The following DIO1 variants were observed in gnomAD, a reference collection of about 807,000 sequenced individuals.
DIO1 encodes type I iodothyronine deiodinase.
DIO1 carries 17 observed loss-of-function variants against 25.9 expected under a neutral mutation model. The observed-to-expected ratio is 0.66, with a 90% CI of 0.45 to 0.98. The LOEUF (loss-of-function observed/expected upper bound fraction) is 0.98, where lower values mean the gene tolerates loss of function less well. Ranked by LOEUF, DIO1 falls within the 50% of genes least tolerant of loss-of-function variation. The pLI, the probability that DIO1 is intolerant of heterozygous loss-of-function variation, is 0.00. For synonymous variants in DIO1, 115 were observed against 114.0 expected (o/e 1.01, Z -0.05); for missense variants, 270 against 310.4 (o/e 0.87, Z 0.98).
chr1:53,902,846 CTGT>C (rs1358752850), intron 1 of DIO1, among the ~76,000 whole-genome samples: 2 of 151,836 alleles, frequency 1.3e-5, no homozygotes, highest in African/African-American at 2.4e-5. Context: ...ATTTTTGTTG[CTGT>C]TGTTGTTTTT....
chr1:53,900,511 G>A (rs1486252981), intron 1 of DIO1, among the ~76,000 whole-genome samples: 1 of 152,218 alleles, frequency 6.6e-6, no homozygotes, highest in Non-Finnish European at 1.5e-5. Context: ...GGCTGAGGCA[G>A]GAGAATTCCT....
At chr1:53,902,296 C>G (rs1651408471) in intron 1 of DIO1, among the ~76,000 whole-genome samples, 1 of 151,862 alleles carries the variant, frequency 6.6e-6, no homozygotes, top group Non-Finnish European at 1.5e-5. Context: ...TCTCGTAACA[C>G]TGATCACAAT....
rs746714497 is a variant in DIO1, at chr1:53,894,378, C to T, written c.168C>T (p.Phe56=). 1 of 1,614,250 alleles carries T rather than the reference C, an allele frequency of 6.2e-7. No individual in the cohort carries two copies. The highest frequency in any genetic ancestry group is 1.1e-5 in the South Asian group (1 of 91,090). ...CGGGTATGACCAGGAACCCCCATTT[C>T]AGCCACGACAACTGGATACCAACCT... ...EKTGMTRNPH[F]SHDNWIPTFF... The change falls in exon 1 of 4, where the codon TTC becomes TTT. Residue 56 remains phenylalanine, a synonymous_variant. Coordinates refer to ENST00000361921, the MANE Select transcript of DIO1 (RefSeq NM_000792.7). This position sits in a 1 kb window ranked among gnomAD's most constrained non-coding sequence, Gnocchi z 4.9.
chr1:53,894,577 G>A lies in DIO1; in HGVS notation c.337+30G>A, dbSNP rs1650977766. ...GGAGGCTGCCACACACTTGAGGGGT[G>A]CTTGAAATAGCAGTGGTAGAGGGGG... is the stretch of plus-strand genomic sequence containing the variant. On this transcript the variant is annotated intron_variant, in intron 1 of 3. Coordinates refer to ENST00000361921, the MANE Select transcript of DIO1 (RefSeq NM_000792.7). This position sits in a 1 kb window ranked among gnomAD's most constrained non-coding sequence, Gnocchi z 4.9. The A allele has an allele frequency of 6.3e-7, 1 of 1,575,312 alleles. No homozygotes were observed. Among genetic ancestry groups the A allele is most frequent in the Non-Finnish European group, 8.6e-7 (1 of 1,156,794 alleles).
intron 3 of DIO1, 138 bp downstream of exon 3, chr1:53,906,432 G>A: frequency 1.4e-6 from 1 of 725,466 alleles, no homozygotes; most frequent in Non-Finnish European, 2.3e-6. Context: ...CCATGGGCGA[G>A]TGCTTTCACT....
At chr1:53,909,249 CTA>C (rs935670805) in intron 3 of DIO1, among the ~76,000 whole-genome samples, 108 of 150,628 alleles carry the variant, frequency 7.2e-4, no homozygotes, top group African/African-American at 2.6e-3. Flanking sequence ...AACCCTGTCT[CTA>C]CTAAAAATAC....
At chr1:53,896,430 C>T (rs916462913) in intron 1 of DIO1, among the ~76,000 whole-genome samples, 4 of 152,050 alleles carry the variant, frequency 2.6e-5, no homozygotes, top group African/African-American at 9.7e-5. Context: ...GTTGCCCAGG[C>T]TGGTCTCGAA....
At chr1:53,904,510 G>A (rs1651538352) in intron 1 of DIO1, among the ~76,000 whole-genome samples, 156 bp from the exon 2 acceptor site, 1 of 152,172 alleles carries the variant, frequency 6.6e-6, no homozygotes, top group African/African-American at 2.4e-5. Flanking sequence ...GCTAAGTCAT[G>A]CTCTCTAGGT....
In DIO1 at chr1:53,911,065, A is replaced by G. The variant is rs1041032953; in HGVS notation, c.*1066A>G. Reference sequence around the variant, plus strand: ...TAAGATGCAGTAAACTAATAACAGAATTATTAAAATATATCAGGCTATTTT... The same window carrying G: ...TAAGATGCAGTAAACTAATAACAGAGTTATTAAAATATATCAGGCTATTTT... On this transcript the variant is annotated 3_prime_UTR_variant, in exon 4 of 4. Coordinates refer to ENST00000361921, the MANE Select transcript of DIO1 (RefSeq NM_000792.7). 2.0e-4 allele frequency: 31 copies of G among 152,696 alleles called. No individual in the cohort carries two copies. Among genetic ancestry groups the G allele is most frequent in the African/African-American group, 7.5e-4 (31 of 41,472 alleles). The allele number at this position is 152,696 out of a possible 1,614,324, so 9.5% of individuals were successfully genotyped here.
Position 53,904,758 on chromosome 1 carries a change from A to C in DIO1, c.430A>C (p.Ser144Arg). Reference protein sequence around the residue: ...DQFKRLIEDFSSIADFLVIYI... With the variant: ...DQFKRLIEDFRSIADFLVIYI... ...GTTCAAGAGGCTTATTGAAGACTTT[A>C]GTTCCATAGCAGATTTTCTTGTCAT... Residue 144 changes from serine to arginine, a missense_variant, in exon 2 of 4, where the codon AGT becomes CGT. Coordinates refer to ENST00000361921, the MANE Select transcript of DIO1 (RefSeq NM_000792.7). 1 of 1,613,722 alleles carries C rather than the reference A, an allele frequency of 6.2e-7. No individual in the cohort carries two copies. Among genetic ancestry groups the C allele is most frequent in the Non-Finnish European group, 8.5e-7 (1 of 1,179,820 alleles).
At chr1:53,898,435 G>T (rs1489147361) in intron 1 of DIO1, among the ~76,000 whole-genome samples, 1 of 152,056 alleles carries the variant, frequency 6.6e-6, no homozygotes, top group African/African-American at 2.4e-5. Context: ...AAGTAAACAT[G>T]ATCAGTTCTG....
intron 1 of DIO1, among the ~76,000 whole-genome samples, chr1:53,896,744 G>A (rs1651097739): frequency 6.6e-6 from 1 of 152,146 alleles, no homozygotes; most frequent in South Asian, 2.1e-4. Flanking sequence ...CCTATGAAAT[G>A]GGGGAGGCTA....
chr1:53,904,166 G>A, intron 1 of DIO1, among the ~76,000 whole-genome samples: 1 of 152,208 alleles, frequency 6.6e-6, no homozygotes, highest in East Asian at 1.9e-4. Context: ...CCCCCTTGTG[G>A]ATGAGGAAAC....
chr1:53,894,691 C>A lies in DIO1; in HGVS notation c.337+144C>A. 1.3e-6 allele frequency: 1 copy of A among 743,212 alleles called. No homozygotes were observed. The highest frequency in any genetic ancestry group is 2.1e-6 in the Non-Finnish European group (1 of 468,272). The allele number at this position is 743,212 out of a possible 1,614,324, so 46.0% of individuals were successfully genotyped here. ...CTTGTCCTCTTCCTGCTTCCTGAAA[C>A]TAGAACTTCTTGTGGATTGTTTCTC... is the stretch of plus-strand genomic sequence containing the variant. On this transcript the variant is annotated intron_variant, in intron 1 of 3. Transcript: ENST00000361921. The surrounding 1 kb of genome is among the most constrained non-coding windows in gnomAD (Gnocchi z 4.9).
At chr1:53,905,952 G>C (rs1651634031) in intron 2 of DIO1, 143 bp from the exon 3 acceptor site, 3 of 717,610 alleles carry the variant, frequency 4.2e-6, no homozygotes, top group Non-Finnish European at 7.1e-6. Flanking sequence ...ACGTGACCTT[G>C]CACATTCAAC....
rs1378264910 is a variant in DIO1 at position 53,906,287 on chromosome 1, T to G, written c.674T>G (p.Leu225Arg). 6.2e-7 allele frequency: 1 copy of G among 1,611,328 alleles called. No homozygotes were observed. Among genetic ancestry groups the G allele is most frequent in the Non-Finnish European group, 8.5e-7 (1 of 1,178,502 alleles). ...TACATAATCCAGGAGGGCAGGATCC[T>G]CTACAAGGTGGTGACCTGGGGACAG... ...RLYIIQEGRI[L>R]YKGKSGPWNY... Residue 225 changes from leucine (L) to arginine (R), a missense_variant, in exon 3 of 4, where the codon CTC (leucine) becomes CGC (arginine). By Grantham distance (102) the Leu-to-Arg change is moderately radical. Coordinates refer to ENST00000361921, the MANE Select transcript of DIO1 (RefSeq NM_000792.7).
chr1:53,907,077 G>A (rs1651692846), intron 3 of DIO1, among the ~76,000 whole-genome samples: 1 of 152,248 alleles, frequency 6.6e-6, no homozygotes, highest in African/African-American at 2.4e-5. Flanking sequence ...AAGGTCTGAA[G>A]CTGCTAACAT....
intron 1 of DIO1, among the ~76,000 whole-genome samples, chr1:53,902,326 G>A (rs968769114): frequency 2.6e-5 from 4 of 151,722 alleles, no homozygotes; most frequent in African/African-American, 7.3e-5. Context: ...CTTCATTTAC[G>A]CATTTACTTA....
chr1:53,900,205 G>A (rs1425498154), intron 1 of DIO1, among the ~76,000 whole-genome samples: 1 of 152,224 alleles, frequency 6.6e-6, no homozygotes. Flanking sequence ...CCACCAGGAA[G>A]CTCAGAGTCA....
Sources: allele counts gnomAD v4.1 joint callset (sites outside exome capture counted in the v4.1 genomes callset), GRCh38; gene constraint gnomAD v4.1.1; non-coding constraint Gnocchi (gnomAD v3.1); transcripts MANE v1.5; gene names NCBI Gene and HGNC (gene_info 2026-07-23, HGNC 2026-07-21).